PAX7: variants seen among roughly 807,000 people sequenced by gnomAD.
The protein encoded by PAX7 is paired box protein Pax-7.
PAX7 carries 18 observed loss-of-function variants against 50.7 expected under a neutral mutation model. The ratio of observed to expected loss-of-function variants is 0.36; its 90% CI spans 0.25 to 0.53. The LOEUF (loss-of-function observed/expected upper bound fraction) is 0.53, where lower values mean the gene tolerates loss of function less well. Among genes scored for constraint, PAX7 ranks in the 20% least tolerant of loss-of-function variants. The probability of loss-of-function intolerance (pLI) is 0.93; values close to 1 mark genes in which losing one functional copy is unlikely to be tolerated. For missense variants in PAX7, 644 were observed against 702.9 expected (o/e 0.92, Z 0.95); for synonymous variants, 310 against 290.4 (o/e 1.07, Z -0.69).
intron 7 of PAX7, among the ~76,000 whole-genome samples, chr1:18,715,978 T>TC (rs2089415044): frequency 6.6e-6 from 1 of 151,866 alleles, no homozygotes; most frequent in African/African-American, 2.4e-5. Context: ...TCCATCCTGT[T>TC]CCCCCCGCTC....
chr1:18,700,563 G>A lies in PAX7; in HGVS notation c.787-90G>A, dbSNP rs1166568435. 1.6e-6 allele frequency: 2 copies of A among 1,236,700 alleles called. No individual in the cohort carries two copies. The highest frequency in any genetic ancestry group is 1.6e-5 in the African/African-American group (1 of 64,094). 76.6% of individuals were successfully genotyped at this position (1,236,700 alleles called of 1,614,324 possible). ...GAGGATGCTGGCTGGATCAGAGGGT[G>A]ATGGCTTGGGCAACTGGGTCTACAT... On this transcript the variant is annotated intron_variant, in intron 5 of 8. Coordinates refer to ENST00000420770, the MANE Select transcript of PAX7 (RefSeq NM_001135254.2). The surrounding 1 kb of genome is among the most constrained non-coding windows in gnomAD (Gnocchi z 4.8).
chr1:18,631,502 G>C lies in PAX7; in HGVS notation c.-102G>C. The C allele has an allele frequency of 1.0e-6, 1 of 984,820 alleles. No homozygotes were observed. The highest frequency in any genetic ancestry group is 1.6e-6 in the Non-Finnish European group (1 of 635,314). The allele number at this position is 984,820 out of a possible 1,614,324, so 61.0% of individuals were successfully genotyped here. A position where few individuals can be genotyped will look rare whatever the true frequency, so the allele number is the denominator to read the frequency against. ...GGGAGGGAGAAGAGGTTAAAAAAAA[G>C]AAGACGAAGAAGACGGAAAGAAAGA... On this transcript the variant is annotated 5_prime_UTR_variant, in exon 1 of 9. Coordinates refer to ENST00000420770, the MANE Select transcript of PAX7 (RefSeq NM_001135254.2).
intron 4 of PAX7, among the ~76,000 whole-genome samples, chr1:18,637,233 G>A (rs1480083419): frequency 6.6e-6 from 1 of 152,190 alleles, no homozygotes; most frequent in Non-Finnish European, 1.5e-5. Context: ...AGTTTCGAGA[G>A]AAGGAAGGGA....
rs756695695 is a variant in PAX7, at chr1:18,700,669, G to A, written c.803G>A (p.Arg268His). The change falls in exon 6 of 9, where the codon CGC (arginine) becomes CAC (histidine). Residue 268 changes from arginine (R) to histidine (H), a missense_variant. Transcript: ENST00000420770. This position sits in a 1 kb window ranked among gnomAD's most constrained non-coding sequence, Gnocchi z 4.8. ...ACCTCCCAGGTCTGGTTCAGTAACC[G>A]CCGCGCCCGTTGGCGTAAGCAGGCA... ...EARVQVWFSN[R>H]RARWRKQAGA... 1.3e-5 allele frequency: 20 copies of A among 1,568,898 alleles called. No individual in the cohort carries two copies. Among genetic ancestry groups the A allele is most frequent in the East Asian group, 4.9e-5 (2 of 40,514 alleles).
chr1:18,742,403 A>G (rs747201980), intron 8 of PAX7, among the ~76,000 whole-genome samples: 4 of 152,138 alleles, frequency 2.6e-5, no homozygotes, highest in African/African-American at 7.2e-5. Context: ...TGATCCACCC[A>G]CCTTGGCCTC....
chr1:18,722,839 G>A (rs2089512168), intron 7 of PAX7, among the ~76,000 whole-genome samples: 1 of 152,160 alleles, frequency 6.6e-6, no homozygotes, highest in Non-Finnish European at 1.5e-5. Context: ...GGCTCATTTT[G>A]AGTTGTGTCA....
intron 1 of PAX7, among the ~76,000 whole-genome samples, chr1:18,633,131 C>G (rs2088083919): frequency 6.6e-6 from 1 of 151,890 alleles, no homozygotes. Flanking sequence ...CTTCAGACAC[C>G]GACTTTTACA....
At chr1:18,673,080 A>G (rs993189939) in intron 4 of PAX7, among the ~76,000 whole-genome samples, 9 of 152,122 alleles carry the variant, frequency 5.9e-5, no homozygotes, top group Admixed American at 2.0e-4. Context: ...TTGGAGTGGC[A>G]AGGGGTCTGT....
In PAX7 at chr1:18,745,030, G is replaced by A; in HGVS notation, c.*101G>A. On this transcript the variant is annotated 3_prime_UTR_variant, in exon 9 of 9. Coordinates refer to ENST00000420770, the MANE Select transcript of PAX7 (RefSeq NM_001135254.2). ...CCTCACCCCCCTGTTGTCCTAGGAG[G>A]CCAGGAAAGGAGCCCACCTGCTTCT... is the stretch of plus-strand genomic sequence containing the variant. 1 of 689,750 alleles carries A rather than the reference G, an allele frequency of 1.4e-6. No individual in the cohort carries two copies. The highest frequency in any genetic ancestry group is 2.5e-6 in the Non-Finnish European group (1 of 395,868). 42.7% of individuals were successfully genotyped at this position (689,750 alleles called of 1,614,324 possible).
intron 7 of PAX7, among the ~76,000 whole-genome samples, chr1:18,723,085 C>T (rs1007628435): frequency 6.6e-6 from 1 of 152,196 alleles, no homozygotes; most frequent in Admixed American, 6.5e-5. Flanking sequence ...CCAAATGTGG[C>T]AGCAAGAGGC....
At chr1:18,641,544 T>C (rs2088254193) in intron 4 of PAX7, among the ~76,000 whole-genome samples, 2 of 152,264 alleles carry the variant, frequency 1.3e-5, no homozygotes, top group African/African-American at 4.8e-5. Flanking sequence ...GCGGGTTTTG[T>C]GTTCCCCTCG....
rs1164375422 is a variant in PAX7 at position 18,679,779 on chromosome 1, G to C, written c.587-11975G>C. ...GAAGAATAAGGAAAGGATGACAAAG[G>C]CATGTTCATTCATTCAGTCAGTTGT... On this transcript the variant is annotated intron_variant, in intron 4 of 8. Transcript: ENST00000420770. 2.6e-5 allele frequency among the ~76,000 whole-genome samples: 4 copies of C among 152,164 alleles called. No individual in the cohort carries two copies. In the East Asian group the frequency reaches 5.8e-4, roughly 22 times the overall value.
At chr1:18,739,888 T>C (rs1277138084) in intron 8 of PAX7, among the ~76,000 whole-genome samples, 5 of 152,158 alleles carry the variant, frequency 3.3e-5, no homozygotes, top group Non-Finnish European at 5.9e-5. Context: ...GCCAGGGCTG[T>C]ACTAATAATG....
Position 18,688,826 on chromosome 1 carries a change from A to G in PAX7, c.587-2928A>G, listed in dbSNP as rs1286336468. On this transcript the variant is annotated intron_variant, in intron 4 of 8. Coordinates refer to ENST00000420770, the MANE Select transcript of PAX7 (RefSeq NM_001135254.2). ...CTACTCGGGAGGGTGAGGCACGACA[A>G]CCATTTGAACCCGGGAGATGGAGGC... Among the ~76,000 whole-genome samples the G allele has an allele frequency of 6.4e-4, 97 of 152,342 alleles. 1 individual carries two copies. Among genetic ancestry groups the G allele is most frequent in the Non-Finnish European group, 3.2e-4 (22 of 68,030 alleles).
intron 8 of PAX7, among the ~76,000 whole-genome samples, chr1:18,741,558 A>C (rs536517166): frequency 1.3e-5 from 2 of 152,364 alleles, no homozygotes; most frequent in African/African-American, 4.8e-5. Flanking sequence ...TGCACGTAGC[A>C]AAACATCAGA....
At chr1:18,731,281 C>T (rs939368415) in intron 7 of PAX7, among the ~76,000 whole-genome samples, 1 of 152,142 alleles carries the variant, frequency 6.6e-6, no homozygotes, top group African/African-American at 2.4e-5. Context: ...CCCTAAAGGT[C>T]CCCGGGAAGC....
intron 3 of PAX7, 106 bp downstream of exon 3, chr1:18,635,346 G>A: frequency 7.4e-7 from 1 of 1,344,858 alleles, no homozygotes; most frequent in Non-Finnish European, 1.0e-6. Flanking sequence ...GGCTGACTGT[G>A]AACTTACTGA....
chr1:18,686,377 C>T (rs2088976298), intron 4 of PAX7, among the ~76,000 whole-genome samples: 2 of 152,216 alleles, frequency 1.3e-5, no homozygotes, highest in Admixed American at 6.5e-5. Context: ...CCCCCTGGGA[C>T]CATCCCATTC....
intron 7 of PAX7, among the ~76,000 whole-genome samples, chr1:18,722,359 C>A (rs1043225311): frequency 6.6e-6 from 1 of 152,156 alleles, no homozygotes; most frequent in Non-Finnish European, 1.5e-5. Flanking sequence ...TATCTCCTCC[C>A]GCATCTCTTA....
Sources: gnomAD v4.1 joint callset for allele counts (sites outside exome capture counted in the v4.1 genomes callset) on GRCh38, gnomAD v4.1.1 for gene constraint, Gnocchi (gnomAD v3.1) non-coding constraint, MANE v1.5 for transcripts, NCBI Gene and HGNC (gene_info 2026-07-23, HGNC 2026-07-21) for gene names.